SPAG1: variants seen among roughly 807,000 people sequenced by gnomAD.
SPAG1 encodes sperm associated antigen 1.
SPAG1 carries 69 observed loss-of-function variants against 100.5 expected under a neutral mutation model. The ratio of observed to expected loss-of-function variants is 0.69; its 90% CI spans 0.57 to 0.84. The LOEUF (loss-of-function observed/expected upper bound fraction) is 0.84, where lower values mean the gene tolerates loss of function less well. SPAG1 is among the 40% of genes least tolerant of loss of function. The pLI is 0.00. For synonymous variants in SPAG1, 336 were observed against 411.6 expected (o/e 0.82, Z 2.22); for missense variants, 955 against 1,133.1 (o/e 0.84, Z 2.26).
chr8:100,235,921 G>C (rs932615912), intron 16 of SPAG1, among the ~76,000 whole-genome samples: 2 of 152,100 alleles, frequency 1.3e-5, no homozygotes. Context: ...AATTAAAAGA[G>C]ACTCCTTTGA....
chr8:100,240,299 A>T (rs1034199198), intron 17 of SPAG1, 104 bp from the exon 18 acceptor site: 21 of 1,099,618 alleles, frequency 1.9e-5, no homozygotes, highest in Admixed American at 9.7e-5. Flanking sequence ...GGACTACAGT[A>T]CAGTCTACTT....
intron 10 of SPAG1, among the ~76,000 whole-genome samples, chr8:100,194,988 A>C (rs1816970933): frequency 6.6e-6 from 1 of 151,956 alleles, no homozygotes; most frequent in African/African-American, 2.4e-5. Context: ...AACATGGTGA[A>C]ACCCTGTCTC....
At chr8:100,160,894 G>A (rs1034983783) in intron 1 of SPAG1, among the ~76,000 whole-genome samples, 1 of 152,172 alleles carries the variant, frequency 6.6e-6, no homozygotes, top group African/African-American at 2.4e-5. Context: ...TTGTATTCCA[G>A]CTTTGCTTAA....
chr8:100,204,433 T>C (rs1438042457), intron 10 of SPAG1, among the ~76,000 whole-genome samples: 1 of 151,910 alleles, frequency 6.6e-6, no homozygotes, highest in Non-Finnish European at 1.5e-5. Flanking sequence ...GGAAAGAACA[T>C]AGAGTTGGAT....
chr8:100,212,600 C>T (rs1489841955), intron 10 of SPAG1, among the ~76,000 whole-genome samples: 1 of 152,176 alleles, frequency 6.6e-6, no homozygotes, highest in Non-Finnish European at 1.5e-5. Flanking sequence ...GCTAAATTCA[C>T]TTTTAAAATG....
At chr8:100,168,482 C>T (rs968559484) in intron 3 of SPAG1, among the ~76,000 whole-genome samples, 25 of 151,942 alleles carry the variant, frequency 1.6e-4, no homozygotes, top group African/African-American at 6.0e-4. Context: ...CAGCCTTGAC[C>T]TCCCAGACTC....
chr8:100,171,307 C>T (rs10464841), intron 3 of SPAG1, among the ~76,000 whole-genome samples: 24,469 of 151,986 alleles, frequency 0.16, 2,430 homozygotes, highest in South Asian at 0.23. Context: ...GTTTTATTTT[C>T]CTGTAATATC....
At chr8:100,186,664 G>GT (rs1457190249) in intron 7 of SPAG1, among the ~76,000 whole-genome samples, 3 of 152,062 alleles carry the variant, frequency 2.0e-5, no homozygotes, top group African/African-American at 7.2e-5. Flanking sequence ...TAAGGTTGCC[G>GT]TAACAAAGTA....
rs571814484 is a variant in SPAG1 at position 100,229,145 on chromosome 8, C to T, written c.1856-2011C>T. Among the ~76,000 whole-genome samples, 7 of 151,602 alleles carry T rather than the reference C, an allele frequency of 4.6e-5. No individual in the cohort carries two copies. The South Asian group carries it at 6.3e-4, about 14-fold the overall frequency. On this transcript the variant is annotated intron_variant, in intron 14 of 18. Coordinates refer to ENST00000388798, the MANE Select transcript of SPAG1 (RefSeq NM_003114.5). ...GAAGTAGGCCGGGCGTGGTGGCTCA[C>T]GCCTGTAATCACAGCACTTTGGGAG...
intron 15 of SPAG1, among the ~76,000 whole-genome samples, chr8:100,232,768 G>A (rs979979800): frequency 4.6e-5 from 7 of 152,100 alleles, no homozygotes; most frequent in Non-Finnish European, 8.8e-5. Flanking sequence ...ACCCTTCATC[G>A]GACTTCCATT....
chr8:100,197,862 C>T (rs1011399834), intron 10 of SPAG1, among the ~76,000 whole-genome samples: 2 of 152,154 alleles, frequency 1.3e-5, no homozygotes, highest in African/African-American at 4.8e-5. Context: ...TGAGATAAGA[C>T]AATTGATAGG....
At chr8:100,189,464 G>A (rs996099240) in intron 8 of SPAG1, among the ~76,000 whole-genome samples, 3 of 149,302 alleles carry the variant, frequency 2.0e-5, no homozygotes, top group Non-Finnish European at 4.5e-5. Flanking sequence ...GCGACAGAAC[G>A]AGAATCCATC....
chr8:100,200,028 A>C (rs1338260717), intron 10 of SPAG1, among the ~76,000 whole-genome samples: 2 of 151,798 alleles, frequency 1.3e-5, no homozygotes, highest in Non-Finnish European at 2.9e-5. Context: ...TACATGTGCC[A>C]TGTTGGTGTG....
At chr8:100,215,022 T>TC (rs1287932052) in intron 12 of SPAG1, among the ~76,000 whole-genome samples, 2 of 61,658 alleles carry the variant, frequency 3.2e-5, no homozygotes, top group African/African-American at 1.2e-4. Context: ...TATATATATA[T>TC]ATATATATAT....
At chr8:100,203,220 C>G (rs1035884503) in intron 10 of SPAG1, among the ~76,000 whole-genome samples, 1 of 152,176 alleles carries the variant, frequency 6.6e-6, no homozygotes, top group Non-Finnish European at 1.5e-5. Flanking sequence ...GAACATTAGA[C>G]TCCAATTTCT....
chr8:100,189,884 A>G (rs1816742755), intron 8 of SPAG1, among the ~76,000 whole-genome samples: 1 of 152,252 alleles, frequency 6.6e-6, no homozygotes, highest in South Asian at 2.1e-4. Flanking sequence ...GTGCAGTGCT[A>G]CAATTTTAAT....
At chr8:100,172,634 A>ATGTGTGTGTGTGTGTGTGTGTGTGTGTG (rs60155004) in intron 3 of SPAG1, among the ~76,000 whole-genome samples, 2 of 145,460 alleles carry the variant, frequency 1.4e-5, no homozygotes, top group Admixed American at 6.8e-5. Flanking sequence ...AAAGAAATAT[A>ATGTGTGTGTGTGTGTGTGTGTGTGTGTG]TGTGTGTGTG....
At chr8:100,212,388 TAA>T (rs1257581849) in intron 10 of SPAG1, among the ~76,000 whole-genome samples, 1 of 152,252 alleles carries the variant, frequency 6.6e-6, no homozygotes, top group Non-Finnish European at 1.5e-5. Context: ...TAAATATTGC[TAA>T]GACACCATAA....
chr8:100,193,871 T>C (rs1266877232), intron 9 of SPAG1, among the ~76,000 whole-genome samples: 2 of 152,232 alleles, frequency 1.3e-5, no homozygotes, highest in African/African-American at 2.4e-5. Context: ...TTAATAGTAG[T>C]ATCTGAATGG....
Sources: allele counts gnomAD v4.1 joint callset (sites outside exome capture counted in the v4.1 genomes callset), GRCh38; gene constraint gnomAD v4.1.1; transcripts MANE v1.5; gene names NCBI Gene and HGNC (gene_info 2026-07-23, HGNC 2026-07-21).